Variants in LIFR observed in about 807,000 individuals in gnomAD.
The protein encoded by LIFR is LIF receptor subunit alpha, also known as leukemia inhibitory factor receptor.
A neutral mutation model predicts 122.2 loss-of-function variants in LIFR; 84 were observed. The observed-to-expected ratio is 0.69, with a 90% CI of 0.58 to 0.82. LIFR has a LOEUF of 0.82. LIFR is among the 40% of genes least tolerant of loss of function. The pLI, the probability that LIFR is intolerant of heterozygous loss-of-function variation, is 0.00. For synonymous variants in LIFR, 422 were observed against 434.7 expected (o/e 0.97, Z 0.36); for missense variants, 1,294 against 1,311.6 (o/e 0.99, Z 0.21).
At chr5:38,500,352 T>G (rs1745113986) in intron 11 of LIFR, among the ~76,000 whole-genome samples, 1 of 152,152 alleles carries the variant, frequency 6.6e-6, no homozygotes, top group South Asian at 2.1e-4. Context: ...GGAGCAAAAG[T>G]GTTTCAGATT....
At position 38,510,710 on chromosome 5, in the gene LIFR, C is replaced by G; in HGVS notation, c.745G>C (p.Asp249His). Residue 249 changes from aspartate (D) to histidine (H), a missense_variant, in exon 7 of 20, where the codon GAT (aspartate) becomes CAT (histidine). Transcript: ENST00000453190. ...SPVKNISWIP[D>H]SQTKVFPQDK... is the part of the protein sequence containing the mutation. ...TGAGGAAAAACCTTAGTCTGAGAAT[C>G]AGGTATCCCTAGAAAGAAAAAGAGG... 6.2e-7 allele frequency: 1 copy of G among 1,609,206 alleles called. No individual in the cohort carries two copies. The highest frequency in any genetic ancestry group is 8.5e-7 in the Non-Finnish European group (1 of 1,175,920).
intron 1 of LIFR, among the ~76,000 whole-genome samples, chr5:38,587,317 G>A (rs190204163): frequency 2.0e-5 from 3 of 152,138 alleles, no homozygotes; most frequent in Non-Finnish European, 4.4e-5. Context: ...AAAACCTCAC[G>A]GATAAAAAAG....
rs940402412 is a variant in LIFR at position 38,484,972 on chromosome 5, A to G, written c.2498-104T>C. ...TAGGTTGGTAAATTATTTAGGAAAA[A>G]AACAAAATTAACTGCTGCAGGGACA... is the stretch of plus-strand genomic sequence containing the variant. On this transcript the variant is annotated intron_variant, in intron 17 of 19. Transcript: ENST00000453190. 42 of 775,540 alleles carry G rather than the reference A, an allele frequency of 5.4e-5. 1 individual carries two copies. The South Asian group carries it at 5.8e-4, about 11-fold the overall frequency. The allele number at this position is 775,540 out of a possible 1,614,324, so 48.0% of individuals were successfully genotyped here.
intron 16 of LIFR, among the ~76,000 whole-genome samples, chr5:38,486,645 C>A (rs1744299143): frequency 6.6e-6 from 1 of 152,016 alleles, no homozygotes; most frequent in Non-Finnish European, 1.5e-5. Context: ...CCTCCCCTCG[C>A]CCCCTACAAC....
At position 38,489,170 on chromosome 5, in the gene LIFR, G is replaced by A. The variant is rs951696370; in HGVS notation, c.2243C>T (p.Pro748Leu). 1 of 1,612,574 alleles carries A rather than the reference G, an allele frequency of 6.2e-7. No homozygotes were observed. Among genetic ancestry groups the A allele is most frequent in the Non-Finnish European group, 8.5e-7 (1 of 1,178,886 alleles). ...DSILVKWEDI[P>L]VEELRGFLRG... Reference sequence around the variant, plus strand: ...TAAAAAGCCTCTAAGTTCTTCCACAGGAATGTCTTCCCATTTTACTAATAT... The same window carrying A: ...TAAAAAGCCTCTAAGTTCTTCCACAAGAATGTCTTCCCATTTTACTAATAT... The change falls in exon 16 of 20, where the codon CCT becomes CTT. Residue 748 changes from proline (P) to leucine (L), a missense_variant. By Grantham distance (98) the Pro-to-Leu change is moderately conservative. Transcript: ENST00000453190.
intron 1 of LIFR, among the ~76,000 whole-genome samples, chr5:38,531,187 TGG>T: frequency 6.6e-6 from 1 of 152,318 alleles, no homozygotes; most frequent in South Asian, 2.1e-4. Context: ...GGTAACAGTA[TGG>T]AGATGTTGCA....
At chr5:38,600,454 A>C (rs2112780894) in intron 2 of LIFR, among the ~76,000 whole-genome samples, 1 of 152,332 alleles carries the variant, frequency 6.6e-6, no homozygotes, top group Middle Eastern at 3.4e-3. Context: ...TTCTGCCAGC[A>C]TCACAGGACT....
intron 1 of LIFR, among the ~76,000 whole-genome samples, chr5:38,564,735 T>TAC (rs3047301): frequency 0.096 from 13,166 of 137,316 alleles, 671 homozygotes; most frequent in African/African-American, 0.16. Context: ...ACACACACAC[T>TAC]ACACACACAC....
intron 14 of LIFR, among the ~76,000 whole-genome samples, chr5:38,492,386 T>C (rs1424116539): frequency 1.3e-5 from 2 of 152,114 alleles, no homozygotes; most frequent in Non-Finnish European, 2.9e-5. Flanking sequence ...TCCCAGTCCA[T>C]CCTGATTATT....
intron 1 of LIFR, among the ~76,000 whole-genome samples, chr5:38,532,650 CA>C (rs958153371): frequency 2.0e-5 from 3 of 152,174 alleles, no homozygotes; most frequent in Non-Finnish European, 4.4e-5. Context: ...TGGTGTGATA[CA>C]TTTACACAGA....
intron 2 of LIFR, among the ~76,000 whole-genome samples, chr5:38,604,617 C>T (rs1396817561): frequency 2.0e-5 from 3 of 152,030 alleles, no homozygotes; most frequent in Non-Finnish European, 4.4e-5. Flanking sequence ...AGGAGAATTC[C>T]TTGAACCTGG....
chr5:38,559,191 G>A (rs535171161), upstream of LIFR: 1 of 152,280 alleles, frequency 6.6e-6, no homozygotes, highest in South Asian at 2.1e-4. Flanking sequence ...AGAAATTTAG[G>A]GATTTGCCAC....
intron 1 of LIFR, among the ~76,000 whole-genome samples, chr5:38,537,937 T>C (rs1424856696): frequency 6.6e-6 from 1 of 152,236 alleles, no homozygotes; most frequent in African/African-American, 2.4e-5. Context: ...TAACTCTTAC[T>C]AGATCAGATT....
In LIFR at chr5:38,507,421, G is replaced by A. The variant is rs112317692; in HGVS notation, c.992-789C>T. Among the ~76,000 whole-genome samples, 206 of 151,894 alleles carry A rather than the reference G, an allele frequency of 1.4e-3. 3 individuals are homozygous for A. The South Asian group carries it at 0.019, about 14-fold the overall frequency. On this transcript the variant is annotated intron_variant, in intron 7 of 19. Transcript: ENST00000453190. The stretch of plus-strand genomic sequence containing the variant: ...TCCACTAAAAATACAAAAATTAGCC[G>A]GGTGTGGTGGAGGGTGCCTGAAGTC...
At chr5:38,515,537 T>C (rs2112512693) in intron 5 of LIFR, among the ~76,000 whole-genome samples, 1 of 151,214 alleles carries the variant, frequency 6.6e-6, no homozygotes, top group Non-Finnish European at 1.5e-5. Flanking sequence ...AATACTGTTC[T>C]ACCAAAAATT....
At position 38,482,130 on chromosome 5, in the gene LIFR, A is replaced by T; in HGVS notation, c.2759T>A (p.Ile920Lys). ...TGGGGAAATTATTTCTGTATCTTCT[A>T]TTTTAGGAAATGCTGATCGAGTTTC... is the stretch of plus-strand genomic sequence containing the variant. ...VLETRSAFPK[I>K]EDTEIISPVA... Residue 920 changes from isoleucine to lysine, a missense_variant, in exon 20 of 20, where the codon ATA becomes AAA. Coordinates refer to ENST00000453190, the MANE Select transcript of LIFR (RefSeq NM_001127671.2). 1 of 1,584,898 alleles carries T rather than the reference A, an allele frequency of 6.3e-7. No individual in the cohort carries two copies. The highest frequency in any genetic ancestry group is 1.2e-5 in the South Asian group (1 of 84,774).
intron 13 of LIFR, among the ~76,000 whole-genome samples, chr5:38,494,084 G>A (rs1455739846): frequency 6.6e-6 from 1 of 152,206 alleles, no homozygotes; most frequent in South Asian, 2.1e-4. Flanking sequence ...TCAAGGCACA[G>A]GAAGGACGCA....
chr5:38,548,919 T>C (rs189708295), intron 1 of LIFR, among the ~76,000 whole-genome samples: 2 of 152,292 alleles, frequency 1.3e-5, no homozygotes, highest in South Asian at 2.1e-4. Flanking sequence ...GTATTAAGAA[T>C]AGAATACTGG....
upstream of LIFR, among the ~76,000 whole-genome samples, chr5:38,595,882 C>T (rs1343989383): frequency 1.3e-5 from 2 of 151,576 alleles, no homozygotes; most frequent in Non-Finnish European, 1.5e-5. Context: ...ACAAGGCGCC[C>T]GCCACCGCGC....
Sources: gnomAD v4.1 joint callset for allele counts (sites outside exome capture counted in the v4.1 genomes callset) on GRCh38, gnomAD v4.1.1 for gene constraint, MANE v1.5 for transcripts, NCBI Gene and HGNC (gene_info 2026-07-23, HGNC 2026-07-21) for gene names.